SUPT3H: variants seen among roughly 807,000 people sequenced by gnomAD.
SUPT3H encodes transcription initiation protein SPT3 homolog.
SUPT3H carries 44 observed loss-of-function variants against 44.3 expected under a neutral mutation model. The ratio of observed to expected loss-of-function variants is 0.99; its 90% CI spans 0.78 to 1.28. The LOEUF (loss-of-function observed/expected upper bound fraction) is 1.28, where lower values mean the gene tolerates loss of function less well. Among genes scored for constraint, SUPT3H ranks in the 50% most tolerant of loss-of-function variants. The probability of loss-of-function intolerance (pLI) is 0.00; values close to 1 mark genes in which losing one functional copy is unlikely to be tolerated. For synonymous variants in SUPT3H, 124 were observed against 125.6 expected (o/e 0.99, Z 0.09); for missense variants, 380 against 387.1 (o/e 0.98, Z 0.15).
intron 2 of SUPT3H, among the ~76,000 whole-genome samples, chr6:45,176,596 C>G (rs1259470972): frequency 1.3e-5 from 2 of 152,178 alleles, no homozygotes; most frequent in Non-Finnish European, 2.9e-5. Context: ...ACCTGCCTGC[C>G]TCTGTAGGCT....
chr6:45,271,375 T>C (rs1392729752), intron 2 of SUPT3H, among the ~76,000 whole-genome samples: 1 of 152,162 alleles, frequency 6.6e-6, no homozygotes, highest in Non-Finnish European at 1.5e-5. Context: ...GTGTGCAGTC[T>C]AGGGACTTGG....
At chr6:45,016,779 T>A (rs1784352932) in intron 4 of SUPT3H, among the ~76,000 whole-genome samples, 1 of 152,132 alleles carries the variant, frequency 6.6e-6, no homozygotes, top group African/African-American at 2.4e-5. Flanking sequence ...GTCTTTGCTA[T>A]TGTGAGTAGT....
intron 2 of SUPT3H, among the ~76,000 whole-genome samples, chr6:45,137,608 A>C (rs1185128284): frequency 6.6e-6 from 1 of 151,974 alleles, no homozygotes; most frequent in Non-Finnish European, 1.5e-5. Context: ...AGATTATAAC[A>C]AAGTTGCAAA....
rs1227576144 is a variant in SUPT3H, at chr6:44,956,470, C to CAAA, written c.581-1866_581-1864dup. Among the ~76,000 whole-genome samples, 2 of 4,990 alleles carry CAAA rather than the reference C, an allele frequency of 4.0e-4. 1 individual carries two copies. Among genetic ancestry groups the CAAA allele is most frequent in the Non-Finnish European group, 6.5e-4 (2 of 3,084 alleles). The allele number at this position is 4,990 out of a possible 152,430, so 3.3% of individuals were successfully genotyped here. A position where few individuals can be genotyped will look rare whatever the true frequency, so the allele number is the denominator to read the frequency against. ...CTGCACAACAAGAGCGAAACTGTCT[C>CAAA]AAAAAAAAAAAAATAAAAAAAAAAA... On this transcript the variant is annotated intron_variant, in intron 7 of 10. Coordinates refer to ENST00000371459, the MANE Select transcript of SUPT3H (RefSeq NM_003599.4).
intron 10 of SUPT3H, among the ~76,000 whole-genome samples, chr6:44,922,345 G>A (rs1439439089): frequency 6.6e-6 from 1 of 152,174 alleles, no homozygotes; most frequent in Non-Finnish European, 1.5e-5. Flanking sequence ...TTTTTGAAAG[G>A]TGCAAATTTC....
intron 3 of SUPT3H, among the ~76,000 whole-genome samples, chr6:45,090,478 G>T (rs1303110302): frequency 6.6e-6 from 1 of 151,936 alleles, no homozygotes; most frequent in Non-Finnish European, 1.5e-5. Flanking sequence ...TCACAAAAGA[G>T]ACATTTGAAA....
chr6:44,814,211 T>C (rs1481723002), intron 11 of SUPT3H, among the ~76,000 whole-genome samples: 2 of 152,148 alleles, frequency 1.3e-5, no homozygotes, highest in South Asian at 2.1e-4. Context: ...TGCAAAACTT[T>C]AGGAAAAGAG....
chr6:45,181,879 A>AT (rs2153613716), intron 2 of SUPT3H, among the ~76,000 whole-genome samples: 1 of 144,542 alleles, frequency 6.9e-6, no homozygotes, highest in South Asian at 2.1e-4. Flanking sequence ...TAATAAATAA[A>AT]TAAATAAATA....
At chr6:45,250,309 G>C (rs1772126719) in intron 2 of SUPT3H, among the ~76,000 whole-genome samples, 1 of 150,828 alleles carries the variant, frequency 6.6e-6, no homozygotes, top group Non-Finnish European at 1.5e-5. Flanking sequence ...TCTATGAAAA[G>C]ACCCCAGAGG....
At chr6:45,036,677 A>G (rs763883923) in intron 3 of SUPT3H, among the ~76,000 whole-genome samples, 2 of 152,176 alleles carry the variant, frequency 1.3e-5, no homozygotes, top group Non-Finnish European at 2.9e-5. Context: ...ACACACAGCC[A>G]AACTGTCAAC....
At position 45,168,797 on chromosome 6, in the gene SUPT3H, G is replaced by A. The variant is rs565392842; in HGVS notation, c.102-62791C>T. ...CTGGCATAGTATGGGAAAGAAAAGCGTTTTGCTACCAGAGCTAAGAGCAAA... is the reference window on the plus strand; with the variant it reads ...CTGGCATAGTATGGGAAAGAAAAGCATTTTGCTACCAGAGCTAAGAGCAAA... On this transcript the variant is annotated intron_variant, in intron 2 of 10. Transcript: ENST00000371459. 2.6e-5 allele frequency among the ~76,000 whole-genome samples: 4 copies of A among 152,232 alleles called. No individual in the cohort carries two copies. The South Asian group carries it at 8.3e-4, about 32-fold the overall frequency.
chr6:45,178,982 A>T (rs1250133392), intron 2 of SUPT3H, among the ~76,000 whole-genome samples: 1 of 152,130 alleles, frequency 6.6e-6, no homozygotes, highest in African/African-American at 2.4e-5. Context: ...CAAAATTGAC[A>T]CCCTAACATC....
intron 2 of SUPT3H, among the ~76,000 whole-genome samples, chr6:45,345,517 C>T (rs1041808645): frequency 2.0e-5 from 3 of 152,106 alleles, no homozygotes; most frequent in African/African-American, 2.4e-5. Context: ...CTTAATGGCA[C>T]GATCAGCTTG....
rs66849102 is a variant in SUPT3H, at chr6:45,124,636, C to CA, written c.102-18631dup. ...CTCCAGGCTAACAGAGACTCCATCT[C>CA]AAAAAAAAAAAAAGAAAGAAAAATT... is the stretch of plus-strand genomic sequence containing the variant. On this transcript the variant is annotated intron_variant, in intron 2 of 10. Transcript: ENST00000371459. Among the ~76,000 whole-genome samples, 773 of 139,326 alleles carry CA rather than the reference C, an allele frequency of 5.5e-3. 6 individuals carry two copies. The highest frequency in any genetic ancestry group is 0.019 in the African/African-American group (711 of 37,282). 91.4% of individuals were successfully genotyped at this position (139,326 alleles called of 152,430 possible).
chr6:45,138,696 G>T (rs1395230642), intron 2 of SUPT3H, among the ~76,000 whole-genome samples: 1 of 152,112 alleles, frequency 6.6e-6, no homozygotes, highest in Non-Finnish European at 1.5e-5. Flanking sequence ...CAATCAAGAG[G>T]AGTAGTTATA....
intron 9 of SUPT3H, among the ~76,000 whole-genome samples, chr6:44,952,732 T>C (rs1316025947): frequency 6.6e-6 from 1 of 152,210 alleles, no homozygotes; most frequent in African/African-American, 2.4e-5. Flanking sequence ...CTAAAAGTGG[T>C]GCACAGTTAT....
chr6:44,961,009 C>T (rs1775945372), intron 7 of SUPT3H, among the ~76,000 whole-genome samples: 1 of 152,114 alleles, frequency 6.6e-6, no homozygotes, highest in Non-Finnish European at 1.5e-5. Flanking sequence ...ATCCCTCAGA[C>T]CATGGTCATG....
chr6:45,003,545 T>C, intron 6 of SUPT3H, 108 bp downstream of exon 6: 1 of 1,326,690 alleles, frequency 7.5e-7, no homozygotes, highest in Non-Finnish European at 1.0e-6. Flanking sequence ...ATAAAACCAC[T>C]GACTTAGAGA....
chr6:45,049,498 C>T lies in SUPT3H; in HGVS notation c.187-28866G>A, dbSNP rs73737862. 4.1e-3 allele frequency among the ~76,000 whole-genome samples: 629 copies of T among 152,234 alleles called. 7 individuals are homozygous for T. Among genetic ancestry groups the T allele is most frequent in the African/African-American group, 0.014 (566 of 41,530 alleles). The stretch of plus-strand genomic sequence containing the variant: ...ATAAGGGGTATGGATTTTCTAGGTC[C>T]CCTTTTATTTTCCTAAGTTCTTGTA... On this transcript the variant is annotated intron_variant, in intron 3 of 10. Transcript: ENST00000371459.
Sources: allele counts gnomAD v4.1 joint callset (sites outside exome capture counted in the v4.1 genomes callset), GRCh38; gene constraint gnomAD v4.1.1; transcripts MANE v1.5; gene names NCBI Gene and HGNC (gene_info 2026-07-23, HGNC 2026-07-21).